Variants in NXPH2 observed in about 807,000 individuals in gnomAD.
The protein encoded by NXPH2 is neurexophilin 2.
In NXPH2, 5 loss-of-function variants were observed where a neutral mutation model predicts 19.8. That is an observed-to-expected ratio of 0.25 (90% CI 0.13 to 0.53). The LOEUF is 0.53. NXPH2 is among the 20% of genes least tolerant of loss of function. The probability of loss-of-function intolerance (pLI) is 0.96; values close to 1 mark genes in which losing one functional copy is unlikely to be tolerated. For missense variants in NXPH2, 289 were observed against 322.8 expected (o/e 0.90, Z 0.80); for synonymous variants, 154 against 127.4 (o/e 1.21, Z -1.41).
chr2:138,682,451 A>G (rs942702902), intron 1 of NXPH2, among the ~76,000 whole-genome samples: 2 of 152,184 alleles, frequency 1.3e-5, no homozygotes, highest in Admixed American at 1.3e-4. Flanking sequence ...ATGACAAAAA[A>G]AGAATGAAAA....
chr2:138,735,438 A>T (rs1458821382), intron 1 of NXPH2, among the ~76,000 whole-genome samples: 1 of 152,154 alleles, frequency 6.6e-6, no homozygotes, highest in Non-Finnish European at 1.5e-5. Flanking sequence ...CAAGCAAAAG[A>T]GGTTTTCCCT....
intron 1 of NXPH2, among the ~76,000 whole-genome samples, chr2:138,759,652 C>T (rs1486342784): frequency 6.6e-6 from 1 of 151,622 alleles, no homozygotes; most frequent in African/African-American, 2.4e-5. Flanking sequence ...TCTTATTAGT[C>T]ATCCTGGAAT....
intron 1 of NXPH2, among the ~76,000 whole-genome samples, chr2:138,689,708 C>G (rs374400991): frequency 2.0e-5 from 3 of 152,264 alleles, no homozygotes; most frequent in African/African-American, 7.2e-5. Flanking sequence ...ATTAAATAAG[C>G]TGGAATACTT....
chr2:138,744,605 A>G (rs193143632), intron 1 of NXPH2, among the ~76,000 whole-genome samples: 24 of 152,184 alleles, frequency 1.6e-4, no homozygotes, highest in Non-Finnish European at 2.9e-4. Context: ...TTAATCTACT[A>G]TCTTCCCTAT....
intron 1 of NXPH2, among the ~76,000 whole-genome samples, chr2:138,704,631 T>C (rs112199158): frequency 1.3e-5 from 2 of 152,274 alleles, no homozygotes; most frequent in African/African-American, 4.8e-5. Flanking sequence ...TAGAAGATTC[T>C]ACTGTAGTGA....
At chr2:138,750,095 C>T (rs1468366406) in intron 1 of NXPH2, among the ~76,000 whole-genome samples, 2 of 152,088 alleles carry the variant, frequency 1.3e-5, no homozygotes, top group African/African-American at 2.4e-5. Context: ...GATACATACA[C>T]GATGATGTTC....
At position 138,739,618 on chromosome 2, in the gene NXPH2, C is replaced by T. The variant is rs183386452; in HGVS notation, c.51+40573G>A. 3.3e-5 allele frequency among the ~76,000 whole-genome samples: 5 copies of T among 152,244 alleles called. No individual in the cohort carries two copies. In the East Asian group the frequency reaches 9.7e-4, roughly 29 times the overall value. ...GGTGGGACATGGTGGGGGCAGGTTACTGAGGGACTTAGATGCCAGGTTGAG... is the reference window on the plus strand; with the variant it reads ...GGTGGGACATGGTGGGGGCAGGTTATTGAGGGACTTAGATGCCAGGTTGAG... On this transcript the variant is annotated intron_variant, in intron 1 of 1. Coordinates refer to ENST00000272641, the MANE Select transcript of NXPH2 (RefSeq NM_007226.3).
intron 1 of NXPH2, among the ~76,000 whole-genome samples, chr2:138,698,073 A>G (rs2104980156): frequency 6.6e-6 from 1 of 152,282 alleles, no homozygotes; most frequent in South Asian, 2.1e-4. Flanking sequence ...CGTCCTTAGG[A>G]AATTTTTCCT....
intron 1 of NXPH2, among the ~76,000 whole-genome samples, chr2:138,744,582 TTTA>T (rs1167678091): frequency 6.6e-6 from 1 of 152,150 alleles, no homozygotes; most frequent in Non-Finnish European, 1.5e-5. Flanking sequence ...TACTGATGCG[TTTA>T]ATCTGCTATT....
chr2:138,744,580 C>G (rs757681470), intron 1 of NXPH2, among the ~76,000 whole-genome samples: 1 of 152,156 alleles, frequency 6.6e-6, no homozygotes, highest in Non-Finnish European at 1.5e-5. Flanking sequence ...GTTACTGATG[C>G]GTTTAATCTG....
At chr2:138,762,246 T>G (rs1199286467) in intron 1 of NXPH2, among the ~76,000 whole-genome samples, 1 of 152,146 alleles carries the variant, frequency 6.6e-6, no homozygotes, top group African/African-American at 2.4e-5. Context: ...TTGTTCTTTC[T>G]CCAGATTTTG....
intron 1 of NXPH2, among the ~76,000 whole-genome samples, chr2:138,686,668 A>G (rs1321819548): frequency 6.6e-6 from 1 of 152,272 alleles, no homozygotes; most frequent in East Asian, 1.9e-4. Context: ...CGTCATTTAC[A>G]TTAGGTATAT....
At chr2:138,697,786 T>C (rs764055687) in intron 1 of NXPH2, among the ~76,000 whole-genome samples, 1 of 151,748 alleles carries the variant, frequency 6.6e-6, no homozygotes, top group East Asian at 1.9e-4. Flanking sequence ...CCAGAGAAAA[T>C]ATAAATGAAT....
At chr2:138,682,339 G>A (rs1258001996) in intron 1 of NXPH2, among the ~76,000 whole-genome samples, 2 of 152,070 alleles carry the variant, frequency 1.3e-5, no homozygotes, top group Non-Finnish European at 2.9e-5. Flanking sequence ...TGCATCTGCC[G>A]GACAGCATAC....
At chr2:138,691,165 G>A (rs1377252436) in intron 1 of NXPH2, among the ~76,000 whole-genome samples, 2 of 152,200 alleles carry the variant, frequency 1.3e-5, no homozygotes, top group Non-Finnish European at 2.9e-5. Flanking sequence ...GATTATCAAG[G>A]TGAATGTCTC....
chr2:138,745,462 G>T lies in NXPH2; in HGVS notation c.51+34729C>A, dbSNP rs77179648. On this transcript the variant is annotated intron_variant, in intron 1 of 1. Transcript: ENST00000272641. ...ACTTAAGTTTCCACTTCGGTGCAAT[G>T]CCTATGCACATCCTTTTCTTCTTTT... 2.4e-3 allele frequency among the ~76,000 whole-genome samples: 311 copies of T among 130,638 alleles called. 1 individual carries two copies. Among genetic ancestry groups the T allele is most frequent in the African/African-American group, 8.8e-3 (294 of 33,298 alleles). 85.7% of individuals were successfully genotyped at this position (130,638 alleles called of 152,430 possible).
At chr2:138,682,731 G>A (rs1468046322) in intron 1 of NXPH2, among the ~76,000 whole-genome samples, 2 of 152,138 alleles carry the variant, frequency 1.3e-5, no homozygotes, top group Non-Finnish European at 2.9e-5. Context: ...TTAGCAGTAA[G>A]AGCCAAAAAA....
intron 1 of NXPH2, among the ~76,000 whole-genome samples, chr2:138,677,214 G>C (rs1680496615): frequency 6.6e-6 from 1 of 152,152 alleles, no homozygotes; most frequent in Admixed American, 6.6e-5. Context: ...GCTAATTTCA[G>C]TATCCCTGCT....
chr2:138,675,039 G>A (rs1374265465), intron 1 of NXPH2, among the ~76,000 whole-genome samples: 1 of 152,064 alleles, frequency 6.6e-6, no homozygotes, highest in Non-Finnish European at 1.5e-5. Flanking sequence ...GAGCCCTTCT[G>A]ACATTTTCCC....
Sources: allele counts gnomAD v4.1 joint callset (sites outside exome capture counted in the v4.1 genomes callset), GRCh38; gene constraint gnomAD v4.1.1; transcripts MANE v1.5; gene names NCBI Gene and HGNC (gene_info 2026-07-23, HGNC 2026-07-21).